The following TMTC4 variants were observed in gnomAD, a reference collection of about 807,000 sequenced individuals.
TMTC4 encodes the protein transmembrane O-mannosyltransferase targeting cadherins 4, also known as protein O-mannosyl-transferase TMTC4.
TMTC4 carries 65 observed loss-of-function variants against 86.0 expected under a neutral mutation model. That is an observed-to-expected ratio of 0.76 (90% confidence interval 0.62 to 0.93). The LOEUF is 0.93. Among genes scored for constraint, TMTC4 ranks in the 40% least tolerant of loss-of-function variants. TMTC4 has a pLI of 0.00. For synonymous variants in TMTC4, 379 were observed against 382.5 expected, an observed-to-expected ratio of 0.99 and a Z score of 0.11; for missense variants, 866 against 948.1, an observed-to-expected ratio of 0.91 and a Z score of 1.14.
Position 100,604,870 on chromosome 13 carries a change from T to C in TMTC4, c.*124A>G, listed in dbSNP as rs1256670319. 1.7e-6 allele frequency: 2 copies of C among 1,149,700 alleles called. No individual in the cohort carries two copies. Among genetic ancestry groups the C allele is most frequent in the Non-Finnish European group, 2.3e-6 (2 of 858,076 alleles). The allele number at this position is 1,149,700 out of a possible 1,614,324, so 71.2% of individuals were successfully genotyped here. On this transcript the variant is annotated 3_prime_UTR_variant, in exon 19 of 19. Coordinates refer to ENST00000342624, the MANE Select transcript of TMTC4 (RefSeq NM_032813.5). Reference sequence around the variant, plus strand: ...ATAATCTTTTTGCATGTCTTTGTTTTCATAGAAAAAAATCAGTAAAATAAC... The same window carrying C: ...ATAATCTTTTTGCATGTCTTTGTTTCCATAGAAAAAAATCAGTAAAATAAC...
chr13:100,659,346 C>T (rs553048933), intron 5 of TMTC4, among the ~76,000 whole-genome samples: 1 of 152,330 alleles, frequency 6.6e-6, no homozygotes, highest in South Asian at 2.1e-4. Flanking sequence ...TAGCTCACTG[C>T]AGCCTCAAAC....
rs569998934 is a variant in TMTC4, at chr13:100,659,225, G to A, written c.553-2757C>T. On this transcript the variant is annotated intron_variant, in intron 5 of 18. Transcript: ENST00000342624. ...CCCTCCCGATTCCTTCTGGGTTAACGTCTGGGTTCATTAGACAGACAGAAC... is the reference window on the plus strand; with the variant it reads ...CCCTCCCGATTCCTTCTGGGTTAACATCTGGGTTCATTAGACAGACAGAAC... Among the ~76,000 whole-genome samples the A allele has an allele frequency of 1.3e-4, 20 of 152,256 alleles. No homozygotes were observed. In the South Asian group the frequency reaches 3.7e-3, roughly 28 times the overall value.
rs72661068 is a variant in TMTC4, at chr13:100,630,031, G to A, written c.1507-3881C>T. On this transcript the variant is annotated intron_variant, in intron 12 of 18. Coordinates refer to ENST00000342624, the MANE Select transcript of TMTC4 (RefSeq NM_032813.5). ...TAAGCCACCCAATCTGTGTGTATGT[G>A]TGTGTGTGTGTGTGTGTGTGTGTGT... is the stretch of plus-strand genomic sequence containing the variant. 7.0e-3 allele frequency among the ~76,000 whole-genome samples: 196 copies of A among 28,148 alleles called. 4 individuals carry two copies. In the South Asian group the frequency reaches 0.072, roughly 10 times the overall value. The allele number at this position is 28,148 out of a possible 152,430, so 18.5% of individuals were successfully genotyped here.
intron 5 of TMTC4, among the ~76,000 whole-genome samples, chr13:100,658,898 A>G (rs1885435920): frequency 1.3e-5 from 2 of 152,248 alleles, no homozygotes; most frequent in African/African-American, 4.8e-5. Context: ...GAGAGATTTC[A>G]CTAAAAGAAT....
At chr13:100,666,832 T>G (rs1886450163) in intron 3 of TMTC4, among the ~76,000 whole-genome samples, 1 of 152,142 alleles carries the variant, frequency 6.6e-6, no homozygotes, top group East Asian at 1.9e-4. Flanking sequence ...TACAAAAAAA[T>G]TTTAAAAGTC....
At chr13:100,610,987 G>GAA (rs1877469641) in intron 17 of TMTC4, among the ~76,000 whole-genome samples, 1 of 152,078 alleles carries the variant, frequency 6.6e-6, no homozygotes, top group Admixed American at 6.5e-5. Context: ...GTAAAATCTA[G>GAA]AAATTTAAAA....
intron 15 of TMTC4, among the ~76,000 whole-genome samples, chr13:100,622,094 A>G (rs528232000): frequency 3.9e-5 from 6 of 152,338 alleles, no homozygotes; most frequent in African/African-American, 1.4e-4. Flanking sequence ...GCAGGTAACT[A>G]GGTCATAAAG....
Position 100,605,222 on chromosome 13 carries a change from A to G in TMTC4, c.2135-80T>C. 1.6e-5 allele frequency: 24 copies of G among 1,477,428 alleles called. No homozygotes were observed. The highest frequency in any genetic ancestry group is 2.1e-5 in the Non-Finnish European group (23 of 1,097,240). 91.5% of individuals were successfully genotyped at this position (1,477,428 alleles called of 1,614,324 possible). A position where few individuals can be genotyped will look rare whatever the true frequency, so the allele number is the denominator to read the frequency against. ...TTCCTACCCTCTTGGACAAAGAAATATTACAGATCCTATGCAAACAGTTTT... is the reference window on the plus strand; with the variant it reads ...TTCCTACCCTCTTGGACAAAGAAATGTTACAGATCCTATGCAAACAGTTTT... On this transcript the variant is annotated intron_variant, in intron 18 of 18. Transcript: ENST00000342624. The surrounding 1 kb of genome is among the most constrained non-coding windows in gnomAD (Gnocchi z 4.3).
At chr13:100,621,990 C>T (rs1175628069) in intron 15 of TMTC4, among the ~76,000 whole-genome samples, 1 of 152,142 alleles carries the variant, frequency 6.6e-6, no homozygotes, top group Non-Finnish European at 1.5e-5. Flanking sequence ...TCACAGCCTC[C>T]CCTTCCCCCT....
intron 15 of TMTC4, 72 bp from the exon 16 acceptor site, chr13:100,614,502 A>C: frequency 8.7e-7 from 1 of 1,152,682 alleles, no homozygotes; most frequent in Non-Finnish European, 1.2e-6. Flanking sequence ...ATTATTAAAA[A>C]AAAAAAAAAA....
At chr13:100,617,163 G>A (rs566868845) in intron 15 of TMTC4, among the ~76,000 whole-genome samples, 10 of 151,148 alleles carry the variant, frequency 6.6e-5, no homozygotes, top group African/African-American at 1.2e-4. Context: ...TTATTCTGTC[G>A]CCCAGGCGGG....
intron 6 of TMTC4, among the ~76,000 whole-genome samples, chr13:100,645,335 C>A: frequency 6.6e-6 from 1 of 152,178 alleles, no homozygotes; most frequent in Non-Finnish European, 1.5e-5. Context: ...CTGGCAGAAT[C>A]CTACCCAATC....
At chr13:100,668,843 C>A in intron 2 of TMTC4, 49 bp from the exon 3 acceptor site, 1 of 1,583,956 alleles carries the variant, frequency 6.3e-7, no homozygotes, top group South Asian at 1.1e-5. Flanking sequence ...CTGGTAGGAC[C>A]GTTTCTGCAG....
intron 15 of TMTC4, among the ~76,000 whole-genome samples, chr13:100,621,421 C>CT (rs1007970616): frequency 5.9e-4 from 89 of 151,576 alleles, no homozygotes; most frequent in African/African-American, 2.0e-3. Context: ...AAGAAGAATT[C>CT]TTTTTTTTTA....
chr13:100,644,572 C>T (rs1206400226), intron 6 of TMTC4, among the ~76,000 whole-genome samples: 2 of 152,196 alleles, frequency 1.3e-5, no homozygotes, highest in Non-Finnish European at 2.9e-5. Context: ...GCTAGGACAG[C>T]CTCCTCACTC....
At position 100,634,942 on chromosome 13, in the gene TMTC4, G is replaced by A. The variant is rs371035788; in HGVS notation, c.1375-6C>T. On this transcript the variant is annotated splice_region_variant and splice_polypyrimidine_tract_variant and intron_variant, in intron 11 of 18. Coordinates refer to ENST00000342624, the MANE Select transcript of TMTC4 (RefSeq NM_032813.5). ...ACGACAGCGGCAATGAGTTTCTTAAGAACAGAAAGACATGGTAATTGTCAC... is the reference window on the plus strand; with the variant it reads ...ACGACAGCGGCAATGAGTTTCTTAAAAACAGAAAGACATGGTAATTGTCAC... The A allele has an allele frequency of 3.9e-5, 63 of 1,613,496 alleles. No individual in the cohort carries two copies. In the African/African-American group the frequency reaches 7.9e-4, roughly 20 times the overall value.
At position 100,656,445 on chromosome 13, in the gene TMTC4, T is replaced by C; in HGVS notation, c.576A>G (p.Ala192=). 6.2e-7 allele frequency: 1 copy of C among 1,610,230 alleles called. No individual in the cohort carries two copies. The highest frequency in any genetic ancestry group is 8.5e-7 in the Non-Finnish European group (1 of 1,177,960). ...AGAAGAACAGGGCACACAGGAGGTC[T>C]GCACGGCCGACAACACCAGCAACCT... ...TECVAGVVGR[A]DLLCALFFLL... Residue 192 remains alanine, a synonymous_variant, in exon 6 of 19, where the codon GCA becomes GCG. Coordinates refer to ENST00000342624, the MANE Select transcript of TMTC4 (RefSeq NM_032813.5).
In TMTC4 at chr13:100,605,479, G is replaced by T. The variant is rs914961092; in HGVS notation, c.2135-337C>A. On this transcript the variant is annotated intron_variant, in intron 18 of 18. Transcript: ENST00000342624. This position sits in a 1 kb window ranked among gnomAD's most constrained non-coding sequence, Gnocchi z 4.3. Reference sequence around the variant, plus strand: ...CAGGAAGCAAGGCTGGGTATGGGAGGTGGGGGTGATGGATGCTAGGCACTG... The same window carrying T: ...CAGGAAGCAAGGCTGGGTATGGGAGTTGGGGGTGATGGATGCTAGGCACTG... Among the ~76,000 whole-genome samples the T allele has an allele frequency of 1.8e-4, 28 of 152,182 alleles. No individual in the cohort carries two copies. The highest frequency in any genetic ancestry group is 2.6e-4 in the Non-Finnish European group (18 of 68,030).
intron 7 of TMTC4, among the ~76,000 whole-genome samples, chr13:100,641,254 T>C (rs1009939558): frequency 5.9e-5 from 9 of 152,220 alleles, no homozygotes; most frequent in Admixed American, 2.6e-4. Context: ...CCATTACAGA[T>C]TCTCCTTTAA....
Sources: allele counts gnomAD v4.1 joint callset (sites outside exome capture counted in the v4.1 genomes callset), GRCh38; gene constraint gnomAD v4.1.1; non-coding constraint Gnocchi (gnomAD v3.1); transcripts MANE v1.5; gene names NCBI Gene and HGNC (gene_info 2026-07-23, HGNC 2026-07-21).